Variants in TTN observed in about 807,000 individuals in gnomAD.
TTN encodes connectin.
A neutral mutation model predicts 3,223.0 loss-of-function variants in TTN; 1,525 were observed. That is an observed-to-expected ratio of 0.47 (90% CI 0.45 to 0.49). The LOEUF (loss-of-function observed/expected upper bound fraction) is 0.49, where lower values mean the gene tolerates loss of function less well. Ranked by LOEUF, TTN falls within the 20% of genes least tolerant of loss-of-function variation. The pLI is 0.00. For synonymous variants in TTN, 14,094 were observed against 15,161.0 expected, an observed-to-expected ratio of 0.93 and a Z score of 5.17; for missense variants, 40,786 against 43,424.0, an observed-to-expected ratio of 0.94 and a Z score of 5.40.
rs747649004 is a variant in TTN at position 178,528,769 on chromosome 2, G to A, written c.106982C>T (p.Thr35661Ile). Residue 35661 changes from threonine (T) to isoleucine (I), a missense_variant, in exon 360 of 363, where the codon ACC becomes ATC. Coordinates refer to ENST00000589042, the MANE Select transcript of TTN (RefSeq NM_001267550.2). ...GTGACTGGCTTGCTTGATGGTTAGG[G>A]TCTGATCGCTGCCTGAGACACCATA... ...YRYGVSGSDQTLTIKQASHRD... is the reference protein window; with the variant it reads ...YRYGVSGSDQILTIKQASHRD... The A allele has an allele frequency of 6.2e-7, 1 of 1,612,612 alleles. No individual in the cohort carries two copies.
chr2:178,706,653 G>T lies in TTN; in HGVS notation c.29221C>A (p.Gln9741Lys), dbSNP rs773039731. The change falls in exon 102 of 363, where the codon CAA (glutamine) becomes AAA (lysine). Residue 9741 changes from glutamine (Q) to lysine (K), a missense_variant. By Grantham distance (53) the Gln-to-Lys change is moderately conservative. Transcript: ENST00000589042. ...WTKGKWRQLNQGGRVFIHQKG... is the reference protein window; with the variant it reads ...WTKGKWRQLNKGGRVFIHQKG... ...TGGTGGATGAAAACACGACCTCCTT[G>T]GTTCAGCTGTCTCCACTTCCCTTTT... 4.3e-6 allele frequency: 7 copies of T among 1,613,690 alleles called. No individual in the cohort carries two copies. In the East Asian group the frequency reaches 1.3e-4, roughly 31 times the overall value.
chr2:178,722,368 C>T lies in TTN; in HGVS notation c.22419G>A (p.Val7473=), dbSNP rs767338909. The T allele has an allele frequency of 1.1e-5, 18 of 1,613,242 alleles. No homozygotes were observed. Among genetic ancestry groups the T allele is most frequent in the Non-Finnish European group, 1.4e-5 (17 of 1,179,530 alleles). ...CAGTTTGCAAAATTTTTAAAGTTGC[C>T]ACATTATCTACAAATGAAGTCTGTA... is the stretch of plus-strand genomic sequence containing the variant. The part of the protein sequence containing the change: ...ENLQTSFVDN[V]ATLKILQTDL... The change falls in exon 77 of 363, where the codon GTG becomes GTA. Residue 7473 remains valine (V), a synonymous_variant. Transcript: ENST00000589042.
chr2:178,613,266 G>C lies in TTN; in HGVS notation c.49543C>G (p.Leu16515Val), dbSNP rs1351046328. ...AATCTGTATTTTTTCTTATTAGTGA[G>C]ACCTTTCACTCTGAATTAGGAACAA... ...VKDTTYRVKG[L>V]TNKKKYRFRV... The change falls in exon 264 of 363, where the codon CTC (leucine) becomes GTC (valine). Residue 16515 changes from leucine to valine, a missense_variant. By Grantham distance (32) the Leu-to-Val change is conservative. Coordinates refer to ENST00000589042, the MANE Select transcript of TTN (RefSeq NM_001267550.2). 6.2e-7 allele frequency: 1 copy of C among 1,608,696 alleles called. No homozygotes were observed. Among genetic ancestry groups the C allele is most frequent in the South Asian group, 1.1e-5 (1 of 89,680 alleles).
chr2:178,663,864 CT>C lies in TTN; in HGVS notation c.36402del (p.Val12135CysfsTer23), dbSNP rs1271664419. On this transcript the variant is annotated frameshift_variant, in exon 170 of 363. Transcript: ENST00000589042. LOFTEE classifies it high-confidence loss of function. ...EASKEVIREE[K>X]VPLAPPKEPE... ...GGCTCTTTAGGAGGAGCCAAGGGCACTTTCTCTTCGCGGATAACCTCTTTGG... is the reference window on the plus strand; with the variant it reads ...GGCTCTTTAGGAGGAGCCAAGGGCACTTCTCTTCGCGGATAACCTCTTTGG... 1.2e-6 allele frequency: 2 copies of C among 1,613,246 alleles called. No individual in the cohort carries two copies. Among genetic ancestry groups the C allele is most frequent in the Non-Finnish European group, 1.7e-6 (2 of 1,179,808 alleles).
At chr2:178,624,828 C>G in intron 241 of TTN, 97 bp from the exon 242 acceptor site, 1 of 1,407,116 alleles carries the variant, frequency 7.1e-7, no homozygotes, top group African/African-American at 1.4e-5. Flanking sequence ...GGGCTTTGTT[C>G]TGTCCTAAGT....
Position 178,533,849 on chromosome 2 carries a change from T to G in TTN, c.102766A>C (p.Arg34256=). 6.2e-7 allele frequency: 1 copy of G among 1,613,964 alleles called. No individual in the cohort carries two copies. The highest frequency in any genetic ancestry group is 1.1e-5 in the South Asian group (1 of 91,088). The change falls in exon 358 of 363, where the codon AGG becomes CGG. Residue 34256 remains arginine, a synonymous_variant. Coordinates refer to ENST00000589042, the MANE Select transcript of TTN (RefSeq NM_001267550.2). Reference sequence around the variant, plus strand: ...AGAGGCAGGGTAAATTCTGGTGGCCTTTCCAGGAGTCTCATTGTGTCTGTT... The same window carrying G: ...AGAGGCAGGGTAAATTCTGGTGGCCGTTCCAGGAGTCTCATTGTGTCTGTT... ...RRTDTMRLLE[R]PPEFTLPLYN... is the part of the protein sequence containing the mutation.
At chr2:178,707,038 G>A in intron 100 of TTN, 84 bp from the exon 101 acceptor site, 1 of 1,262,918 alleles carries the variant, frequency 7.9e-7, no homozygotes, top group Non-Finnish European at 1.1e-6. Context: ...AGCCTTAGGA[G>A]GTTGGCAGTT....
rs869312099 is a variant in TTN, at chr2:178,738,361, C to T, written c.14093-1G>A. ...ATTTTCCTCTTGATCACTGGGGCAG[C>T]TGCAAAGGGAAGTAGAGTCCATTAA... On this transcript the variant is annotated splice_acceptor_variant, in intron 48 of 362. Coordinates refer to ENST00000589042, the MANE Select transcript of TTN (RefSeq NM_001267550.2). LOFTEE classifies it high-confidence loss of function. 4 of 1,610,328 alleles carry T rather than the reference C, an allele frequency of 2.5e-6. No individual in the cohort carries two copies. The highest frequency in any genetic ancestry group is 3.4e-6 in the Non-Finnish European group (4 of 1,177,744).
chr2:178,751,722 G>A, intron 47 of TTN: 3 of 1,613,184 alleles, frequency 1.9e-6, no homozygotes, highest in East Asian at 2.2e-5. Context: ...GAAGAGTGAT[G>A]GTGTAAATCA....
intron 308 of TTN, among the ~76,000 whole-genome samples, chr2:178,586,027 A>C (rs2048874988): frequency 6.6e-6 from 1 of 152,140 alleles, no homozygotes; most frequent in Non-Finnish European, 1.5e-5. Flanking sequence ...ACTGTCTTCC[A>C]TAATGGTTGA....
rs1175062582 is a variant in TTN at position 178,612,976 on chromosome 2, T to G, written c.49745A>C (p.Lys16582Thr). 1 of 1,612,756 alleles carries G rather than the reference T, an allele frequency of 6.2e-7. No homozygotes were observed. The highest frequency in any genetic ancestry group is 8.5e-7 in the Non-Finnish European group (1 of 1,179,254). The part of the protein sequence containing the change: ...WTKPEHDGGA[K>T]IESYVIEMLK... The stretch of plus-strand genomic sequence containing the variant: ...CATTTCAATGACATAAGACTCAATC[T>G]TTGCACCTCCATCATGTTCTGGTTT... Residue 16582 changes from lysine to threonine, a missense_variant, in exon 265 of 363, where the codon AAG becomes ACG. Lys to Thr is a moderately conservative substitution (Grantham distance 78, BLOSUM62 -1). Coordinates refer to ENST00000589042, the MANE Select transcript of TTN (RefSeq NM_001267550.2).
chr2:178,719,172 G>T lies in TTN; in HGVS notation c.24218C>A (p.Thr8073Asn). The change falls in exon 83 of 363, where the codon ACT (threonine) becomes AAT (asparagine). Residue 8073 changes from threonine to asparagine, a missense_variant. Coordinates refer to ENST00000589042, the MANE Select transcript of TTN (RefSeq NM_001267550.2). ...TATCCTTGCACACTGACCTTGCACA[G>T]TCAGGACTGCTGAGCACTCATCGGA... ...AGSDECSAVL[T>N]VQEPPSFEQT... 11 of 1,612,178 alleles carry T rather than the reference G, an allele frequency of 6.8e-6. No homozygotes were observed. Among genetic ancestry groups the T allele is most frequent in the Non-Finnish European group, 8.5e-6 (10 of 1,178,528 alleles).
intron 47 of TTN, chr2:178,752,039 T>C: frequency 6.7e-7 from 1 of 1,498,136 alleles, no homozygotes; most frequent in Non-Finnish European, 8.8e-7. Flanking sequence ...AGAGAATAAT[T>C]CTGGAAAAAA....
rs878865219 is a variant in TTN, at chr2:178,568,563, T to C, written c.77569A>G (p.Ile25857Val). Residue 25857 changes from isoleucine (I) to valine (V), a missense_variant, in exon 326 of 363, where the codon ATT becomes GTT. By Grantham distance (29) the Ile-to-Val change is conservative. Transcript: ENST00000589042. ...TDSLDLTTLS[I>V]KETHKDDGGQ... is the part of the protein sequence containing the mutation. ...CCATCATCCTTATGAGTTTCTTTAA[T>C]ACTGAGTGTGGTGAGATCCAGTGAA... 6 of 1,613,526 alleles carry C rather than the reference T, an allele frequency of 3.7e-6. No homozygotes were observed. The highest frequency in any genetic ancestry group is 5.1e-6 in the Non-Finnish European group (6 of 1,179,588).
rs1314695185 is a variant in TTN at position 178,592,366 on chromosome 2, G to T, written c.59626+13C>A. On this transcript the variant is annotated intron_variant, in intron 301 of 362. Transcript: ENST00000589042. ...AAATTTATTTTTAATGGCCTAAGTAGTAAAATTCTTACCTAATACAAGTAC... is the reference window on the plus strand; with the variant it reads ...AAATTTATTTTTAATGGCCTAAGTATTAAAATTCTTACCTAATACAAGTAC... The T allele has an allele frequency of 5.0e-6, 8 of 1,607,770 alleles. No individual in the cohort carries two copies. Among genetic ancestry groups the T allele is most frequent in the Non-Finnish European group, 6.8e-6 (8 of 1,178,322 alleles).
rs1363943077 is a variant in TTN at position 178,639,842 on chromosome 2, T to C, written c.40787-54A>G. 3 of 1,513,610 alleles carry C rather than the reference T, an allele frequency of 2.0e-6. No homozygotes were observed. In the African/African-American group the frequency reaches 4.2e-5, roughly 21 times the overall value. 93.8% of individuals were successfully genotyped at this position (1,513,610 alleles called of 1,614,324 possible). The stretch of plus-strand genomic sequence containing the variant: ...TATCAATTTGTCACTTCCTAAAAAC[T>C]TATTTGGTAGCTTATTTGCCTCTTC... On this transcript the variant is annotated intron_variant, in intron 222 of 362. Transcript: ENST00000589042.
intron 43 of TTN, 140 bp downstream of exon 43, chr2:178,764,037 A>G (rs1376104128): frequency 7.1e-6 from 9 of 1,271,534 alleles, no homozygotes; most frequent in Non-Finnish European, 2.3e-6. Flanking sequence ...TAATAATTGA[A>G]ATAAGTTTTC....
At position 178,744,010 on chromosome 2, in the gene TTN, T is replaced by C. The variant is rs1471734387; in HGVS notation, c.11312-2089A>G. 2.0e-5 allele frequency among the ~76,000 whole-genome samples: 3 copies of C among 152,042 alleles called. No homozygotes were observed. The South Asian group carries it at 6.2e-4, about 32-fold the overall frequency. On this transcript the variant is annotated intron_variant, in intron 47 of 362. Coordinates refer to ENST00000589042, the MANE Select transcript of TTN (RefSeq NM_001267550.2). ...TTCTGTACATTGTCTCTATTGCTTC[T>C]TTAATTTGGATAGCTGTTAGAGAAT...
intron 47 of TTN, among the ~76,000 whole-genome samples, chr2:178,752,367 G>GA (rs1561050647): frequency 6.6e-6 from 1 of 151,980 alleles, no homozygotes; most frequent in Non-Finnish European, 1.5e-5. Flanking sequence ...TGGCTAAGTG[G>GA]AAAATCTTAC....
Sources: gnomAD v4.1 joint callset for allele counts (sites outside exome capture counted in the v4.1 genomes callset) on GRCh38, gnomAD v4.1.1 for gene constraint, MANE v1.5 for transcripts, NCBI Gene and HGNC (gene_info 2026-07-23, HGNC 2026-07-21) for gene names.